The following FAM185A variants were observed in gnomAD, a reference collection of about 807,000 sequenced individuals.
FAM185A encodes family with sequence similarity 185 member A.
FAM185A carries 21 observed loss-of-function variants against 45.7 expected under a neutral mutation model. That is an observed-to-expected ratio of 0.46 (90% CI 0.33 to 0.66). FAM185A has a LOEUF of 0.66. FAM185A is among the 30% of genes least tolerant of loss of function. The probability of loss-of-function intolerance (pLI) is 0.03; values close to 1 mark genes in which losing one functional copy is unlikely to be tolerated. For missense variants in FAM185A, 305 were observed against 485.4 expected, an observed-to-expected ratio of 0.63 and a Z score of 3.49; for synonymous variants, 117 against 194.0, an observed-to-expected ratio of 0.60 and a Z score of 3.30.
intron 4 of FAM185A, among the ~76,000 whole-genome samples, chr7:102,764,058 T>C (rs1794247600): frequency 6.6e-6 from 1 of 152,338 alleles, no homozygotes; most frequent in East Asian, 1.9e-4. Context: ...ACAGCTTCTT[T>C]GTGTAATACT....
chr7:102,802,356 T>TCTGAGA (rs1796847594), intron 7 of FAM185A, among the ~76,000 whole-genome samples: 1 of 152,088 alleles, frequency 6.6e-6, no homozygotes, highest in Non-Finnish European at 1.5e-5. Context: ...CAGACCACAG[T>TCTGAGA]GGAATAAAAC....
At chr7:102,758,323 C>G (rs904155965) in intron 3 of FAM185A, among the ~76,000 whole-genome samples, 129 of 151,026 alleles carry the variant, frequency 8.5e-4, no homozygotes, top group African/African-American at 3.0e-3. Context: ...TTTCTAAGAC[C>G]TTTTTACTTC....
the FAM185A span, among the ~76,000 whole-genome samples, chr7:102,826,039 A>T: frequency 6.6e-6 from 1 of 152,152 alleles, no homozygotes; most frequent in Non-Finnish European, 1.5e-5. Flanking sequence ...TTTGCCATTA[A>T]TATATGTGAT....
the FAM185A span, among the ~76,000 whole-genome samples, chr7:102,843,890 C>T: frequency 5.3e-5 from 8 of 152,190 alleles, no homozygotes; most frequent in Non-Finnish European, 7.3e-5. Flanking sequence ...AGTGGAGGTT[C>T]TAATATCTCT....
intron 7 of FAM185A, among the ~76,000 whole-genome samples, chr7:102,804,937 C>T (rs1266610171): frequency 1.3e-5 from 2 of 152,174 alleles, no homozygotes; most frequent in Non-Finnish European, 2.9e-5. Flanking sequence ...AAATGCTCAA[C>T]ATCACTAATG....
chr7:102,793,138 TA>T (rs774884685), intron 7 of FAM185A, among the ~76,000 whole-genome samples: 7 of 152,238 alleles, frequency 4.6e-5, no homozygotes, highest in Non-Finnish European at 8.8e-5. Flanking sequence ...GGTATCTGCT[TA>T]AAAATACTTT....
At chr7:102,780,933 A>G (rs549959636) in intron 6 of FAM185A, among the ~76,000 whole-genome samples, 1 of 152,322 alleles carries the variant, frequency 6.6e-6, no homozygotes, top group East Asian at 1.9e-4. Flanking sequence ...GGTGACAGAC[A>G]GCACCTGGAA....
the FAM185A span, among the ~76,000 whole-genome samples, chr7:102,829,620 A>G: frequency 6.6e-6 from 1 of 152,168 alleles, no homozygotes; most frequent in African/African-American, 2.4e-5. Flanking sequence ...CAGAGCAACC[A>G]GCTTTTCCTC....
chr7:102,825,500 T>G, the FAM185A span, among the ~76,000 whole-genome samples: 1 of 152,222 alleles, frequency 6.6e-6, no homozygotes, highest in African/African-American at 2.4e-5. Flanking sequence ...TCCAGAAATG[T>G]AATATTACTA....
chr7:102,765,037 A>G (rs1584291440), intron 4 of FAM185A, among the ~76,000 whole-genome samples: 1 of 152,274 alleles, frequency 6.6e-6, no homozygotes, highest in Non-Finnish European at 1.5e-5. Context: ...ACAGATGAGG[A>G]AAACTAGACT....
chr7:102,754,290 T>C (rs1793553340), intron 2 of FAM185A, among the ~76,000 whole-genome samples: 1 of 152,094 alleles, frequency 6.6e-6, no homozygotes, highest in Non-Finnish European at 1.5e-5. Flanking sequence ...AACCTCCGCC[T>C]CCTGGGTTCA....
At chr7:102,843,925 G>A in the FAM185A span, among the ~76,000 whole-genome samples, 1 of 152,142 alleles carries the variant, frequency 6.6e-6, no homozygotes, top group African/African-American at 2.4e-5. Flanking sequence ...TCCATAAGCC[G>A]AAGTCAGATA....
intron 5 of FAM185A, among the ~76,000 whole-genome samples, chr7:102,776,354 C>T (rs1007098314): frequency 1.3e-5 from 2 of 151,920 alleles, no homozygotes; most frequent in Non-Finnish European, 2.9e-5. Flanking sequence ...ACTAACTCTT[C>T]AAGTTCATTT....
the FAM185A span, among the ~76,000 whole-genome samples, chr7:102,816,729 A>G: frequency 6.6e-6 from 1 of 152,180 alleles, no homozygotes; most frequent in Non-Finnish European, 1.5e-5. Flanking sequence ...AGTGAACATA[A>G]TGCCCAGTAG....
chr7:102,789,848 AT>A (rs994743155), intron 7 of FAM185A, among the ~76,000 whole-genome samples: 1 of 147,276 alleles, frequency 6.8e-6, no homozygotes, highest in East Asian at 1.9e-4. Flanking sequence ...AAAATTGTTA[AT>A]TTTTTTTAAT....
the FAM185A span, chr7:102,822,231 G>A: frequency 6.2e-7 from 1 of 1,609,530 alleles, no homozygotes; most frequent in South Asian, 1.1e-5. Context: ...GTAAGTACTG[G>A]TTATTCAAAC....
chr7:102,750,170 A>C (rs1219657915), intron 1 of FAM185A, among the ~76,000 whole-genome samples: 1 of 152,136 alleles, frequency 6.6e-6, no homozygotes, highest in Non-Finnish European at 1.5e-5. Context: ...TAAGTTTTCC[A>C]TGAGTAGCAA....
chr7:102,800,225 C>G (rs1257840193), intron 7 of FAM185A, among the ~76,000 whole-genome samples: 1 of 152,070 alleles, frequency 6.6e-6, no homozygotes, highest in Non-Finnish European at 1.5e-5. Flanking sequence ...AAGAGAACAC[C>G]CCATGGGACA....
chr7:102,784,719 C>G (rs1289761033), intron 6 of FAM185A, among the ~76,000 whole-genome samples: 3 of 152,150 alleles, frequency 2.0e-5, no homozygotes, highest in Non-Finnish European at 4.4e-5. Context: ...AACCCACAGC[C>G]AATATCATAC....
Sources: gnomAD v4.1 joint callset for allele counts (sites outside exome capture counted in the v4.1 genomes callset) on GRCh38, gnomAD v4.1.1 for gene constraint, MANE v1.5 for transcripts, NCBI Gene and HGNC (gene_info 2026-07-23, HGNC 2026-07-21) for gene names.